EGFR: variants seen among roughly 807,000 people sequenced by gnomAD.
The protein encoded by EGFR is avian erythroblastic leukemia viral (v-erb-b) oncogene homolog.
In EGFR, 58 loss-of-function variants were observed where a neutral mutation model predicts 143.0. The observed-to-expected ratio is 0.41, with a 90% confidence interval of 0.33 to 0.50. The LOEUF is 0.50. Ranked by LOEUF, EGFR falls within the 20% of genes least tolerant of loss-of-function variation. EGFR has a pLI of 0.39. For synonymous variants in EGFR, 613 were observed against 594.4 expected (o/e 1.03, Z -0.45); for missense variants, 1,307 against 1,579.0 (o/e 0.83, Z 2.92).
At chr7:55,100,681 C>A (rs1562714143) in intron 1 of EGFR, among the ~76,000 whole-genome samples, 1 of 152,198 alleles carries the variant, frequency 6.6e-6, no homozygotes, top group Non-Finnish European at 1.5e-5. Flanking sequence ...ATTGTCATCT[C>A]CACACGCCGT....
At chr7:55,076,636 T>A (rs968869199) in intron 1 of EGFR, among the ~76,000 whole-genome samples, 14 of 152,174 alleles carry the variant, frequency 9.2e-5, no homozygotes, top group Non-Finnish European at 1.8e-4. Flanking sequence ...ATCTAGGTGA[T>A]TTTCAATGCT....
chr7:55,169,513 T>C (rs760146721), intron 15 of EGFR, among the ~76,000 whole-genome samples: 19 of 152,218 alleles, frequency 1.2e-4, no homozygotes, highest in Non-Finnish European at 2.8e-4. Flanking sequence ...ATTTTAATTA[T>C]ATGTAACAAA....
At chr7:55,175,034 CT>C in intron 19 of EGFR, among the ~76,000 whole-genome samples, 1 of 152,348 alleles carries the variant, frequency 6.6e-6, no homozygotes, top group East Asian at 1.9e-4. Flanking sequence ...CCCCAAAAGG[CT>C]GGAAACAGGC....
At chr7:55,118,085 G>C (rs926928773) in intron 1 of EGFR, among the ~76,000 whole-genome samples, 1 of 152,206 alleles carries the variant, frequency 6.6e-6, no homozygotes, top group African/African-American at 2.4e-5. Context: ...CCCAGCACAA[G>C]TTAATTTTTC....
At chr7:55,050,965 C>T (rs368406772) in intron 1 of EGFR, among the ~76,000 whole-genome samples, 6 of 152,284 alleles carry the variant, frequency 3.9e-5, no homozygotes, top group East Asian at 1.9e-4. Context: ...AGCTGTCCTG[C>T]GGTGGGCTGT....
chr7:55,187,391 G>C (rs1787187448), intron 20 of EGFR, among the ~76,000 whole-genome samples: 10 of 152,180 alleles, frequency 6.6e-5, no homozygotes, highest in Admixed American at 6.5e-4. Context: ...CACTTGCCAA[G>C]ATCTCAGGAT....
At chr7:55,106,983 T>C (rs1392241294) in intron 1 of EGFR, among the ~76,000 whole-genome samples, 1 of 152,176 alleles carries the variant, frequency 6.6e-6, no homozygotes, top group African/African-American at 2.4e-5. Context: ...GAAACATATA[T>C]ATTGCCAACT....
intron 1 of EGFR, among the ~76,000 whole-genome samples, chr7:55,069,449 C>T (rs1789700090): frequency 1.3e-5 from 2 of 152,174 alleles, no homozygotes; most frequent in South Asian, 4.1e-4. Context: ...TAAAAAGACC[C>T]CTTGTTCTAC....
chr7:55,075,711 C>T (rs1790098690), intron 1 of EGFR, among the ~76,000 whole-genome samples: 2 of 152,192 alleles, frequency 1.3e-5, no homozygotes, highest in Admixed American at 1.3e-4. Flanking sequence ...ATCACAAGTG[C>T]ACCACAGCTG....
chr7:55,074,434 C>T (rs573063406), intron 1 of EGFR, among the ~76,000 whole-genome samples: 1 of 152,304 alleles, frequency 6.6e-6, no homozygotes, highest in African/African-American at 2.4e-5. Context: ...ACAGCTGGCC[C>T]CCTGGCCTGG....
chr7:55,130,502 A>G (rs1793769175), intron 1 of EGFR, among the ~76,000 whole-genome samples: 1 of 152,150 alleles, frequency 6.6e-6, no homozygotes, highest in Non-Finnish European at 1.5e-5. Flanking sequence ...GGGAAAGGGA[A>G]AGCTTCACGC....
intron 1 of EGFR, among the ~76,000 whole-genome samples, chr7:55,128,869 T>TAATA (rs1463909887): frequency 6.6e-6 from 1 of 152,194 alleles, no homozygotes; most frequent in Non-Finnish European, 1.5e-5. Context: ...GGCCTACTAT[T>TAATA]AATAGATGGA....
At chr7:55,036,283 G>GGGGGGGT (rs1787577375) in intron 1 of EGFR, among the ~76,000 whole-genome samples, 2 of 63,422 alleles carry the variant, frequency 3.2e-5, no homozygotes, top group Non-Finnish European at 6.2e-5. Context: ...GGGGGGGGGG[G>GGGGGGGT]GTGGGTGTGT....
chr7:55,154,557 G>C (rs879348086), intron 7 of EGFR, among the ~76,000 whole-genome samples: 6 of 152,262 alleles, frequency 3.9e-5, no homozygotes, highest in Non-Finnish European at 7.3e-5. Flanking sequence ...ACCGAAATCA[G>C]AGAGTCTATC....
chr7:55,161,424 G>A (rs927704481), intron 12 of EGFR, 75 bp from the exon 13 acceptor site: 8 of 1,545,578 alleles, frequency 5.2e-6, no homozygotes, highest in Admixed American at 1.9e-5. Context: ...GCCCCTCCCG[G>A]GAAGGTGCCG....
At chr7:55,058,257 G>A (rs138154852) in intron 1 of EGFR, among the ~76,000 whole-genome samples, 7,843 of 152,254 alleles carry the variant, frequency 0.052, 311 homozygotes, top group Non-Finnish European at 0.072. Context: ...AGCCAGGCGC[G>A]GTGGCAGGCA....
Position 55,181,336 on chromosome 7 carries a change from G to A in EGFR, c.2327G>A (p.Arg776His), listed in dbSNP as rs483352806. Residue 776 changes from arginine to histidine, a missense_variant, in exon 20 of 28, where the codon CGC becomes CAC. Physicochemically the swap from Arg to His is conservative, Grantham distance 29. Around this residue, in one of 7 missense-constraint regions of EGFR, gnomAD observed 348 missense variants for 451.5 expected, o/e 0.77. Coordinates refer to ENST00000275493, the MANE Select transcript of EGFR (RefSeq NM_005228.5). Reference sequence around the variant, plus strand: ...AGCGTGGACAACCCCCACGTGTGCCGCCTGCTGGGCATCTGCCTCACCTCC... The same window carrying A: ...AGCGTGGACAACCCCCACGTGTGCCACCTGCTGGGCATCTGCCTCACCTCC... ...MASVDNPHVC[R>H]LLGICLTSTV... 12 of 1,614,052 alleles carry A rather than the reference G, an allele frequency of 7.4e-6. No individual in the cohort carries two copies. The highest frequency in any genetic ancestry group is 1.0e-5 in the Non-Finnish European group (12 of 1,180,046).
chr7:55,173,889 G>A (rs779455557), intron 17 of EGFR, 32 bp from the exon 18 acceptor site: 4 of 1,614,184 alleles, frequency 2.5e-6, no homozygotes, highest in Non-Finnish European at 3.4e-6. Context: ...GGGCTGAGGT[G>A]ACCCTTGTCT....
chr7:55,159,329 G>T (rs975746598), intron 11 of EGFR, among the ~76,000 whole-genome samples: 1 of 152,144 alleles, frequency 6.6e-6, no homozygotes, highest in Admixed American at 6.5e-5. Context: ...GGGGCTAGTG[G>T]TTCTCATGTC....
Sources: allele counts gnomAD v4.1 joint callset (sites outside exome capture counted in the v4.1 genomes callset), GRCh38; gene constraint gnomAD v4.1.1; regional missense constraint gnomAD v4.1.1; transcripts MANE v1.5; gene names NCBI Gene and HGNC (gene_info 2026-07-23, HGNC 2026-07-21).